ZFAT: variants seen among roughly 807,000 people sequenced by gnomAD.
The protein encoded by ZFAT is zinc finger and AT-hook domain containing.
ZFAT carries 64 observed loss-of-function variants against 117.7 expected under a neutral mutation model. The ratio of observed to expected loss-of-function variants is 0.54; its 90% CI spans 0.44 to 0.67. ZFAT has a LOEUF of 0.67. ZFAT is among the 30% of genes least tolerant of loss of function. ZFAT has a pLI of 0.00. For synonymous variants in ZFAT, 679 were observed against 615.0 expected, an observed-to-expected ratio of 1.10 and a Z score of -1.54; for missense variants, 1,433 against 1,584.5, an observed-to-expected ratio of 0.90 and a Z score of 1.62.
chr8:134,635,822 T>C (rs971082048), intron 3 of ZFAT, among the ~76,000 whole-genome samples: 2 of 152,202 alleles, frequency 1.3e-5, no homozygotes, highest in Middle Eastern at 3.2e-3. Context: ...TCTAAAATTA[T>C]CTTTATTTCC....
At chr8:134,823,834 AT>A in the ZFAT span, among the ~76,000 whole-genome samples, 2 of 152,356 alleles carry the variant, frequency 1.3e-5, no homozygotes, top group South Asian at 2.1e-4. Flanking sequence ...ATTTAAAAAA[AT>A]ATTTTGGATT....
intron 1 of ZFAT, among the ~76,000 whole-genome samples, chr8:134,658,963 G>A (rs1218681623): frequency 6.6e-6 from 1 of 152,218 alleles, no homozygotes; most frequent in Admixed American, 6.5e-5. Context: ...CACTGACTCG[G>A]CGCAACTCTG....
chr8:134,588,545 C>T (rs944038850), intron 8 of ZFAT, 150 bp from the exon 9 acceptor site: 18 of 840,320 alleles, frequency 2.1e-5, no homozygotes, highest in Admixed American at 1.7e-4. Flanking sequence ...AAAGTAAAAC[C>T]AGAACCAAAT....
the ZFAT span, among the ~76,000 whole-genome samples, chr8:134,770,194 T>C: frequency 6.6e-6 from 1 of 152,134 alleles, no homozygotes; most frequent in African/African-American, 2.4e-5. Context: ...GGGATTTTCT[T>C]TTTCTATCGC....
intron 1 of ZFAT, among the ~76,000 whole-genome samples, chr8:134,711,848 G>A (rs769765336): frequency 6.6e-6 from 1 of 152,166 alleles, no homozygotes; most frequent in Non-Finnish European, 1.5e-5. Context: ...CAGGAAAGGT[G>A]TCCCTGGGGG....
chr8:134,737,588 C>A, the ZFAT span, among the ~76,000 whole-genome samples: 2 of 152,180 alleles, frequency 1.3e-5, no homozygotes, highest in Admixed American at 1.3e-4. Context: ...ATTTGATTCT[C>A]AGGACACATC....
intron 12 of ZFAT, among the ~76,000 whole-genome samples, chr8:134,523,642 T>A (rs1486976687): frequency 6.6e-6 from 1 of 152,242 alleles, no homozygotes; most frequent in Non-Finnish European, 1.5e-5. Flanking sequence ...AATAAAATCC[T>A]GACTCCTCCC....
intron 11 of ZFAT, among the ~76,000 whole-genome samples, chr8:134,543,416 G>A (rs1166289861): frequency 1.3e-5 from 2 of 152,256 alleles, no homozygotes; most frequent in African/African-American, 2.4e-5. Context: ...TCTCACTCCC[G>A]CAGCTGCCAC....
At chr8:134,685,566 T>TGATAC (rs1376739112) in intron 1 of ZFAT, among the ~76,000 whole-genome samples, 8 of 152,130 alleles carry the variant, frequency 5.3e-5, no homozygotes, top group African/African-American at 1.7e-4. Flanking sequence ...CAGATATAAG[T>TGATAC]GATACCAACC....
At chr8:134,831,995 G>C in the ZFAT span, among the ~76,000 whole-genome samples, 199 of 149,888 alleles carry the variant, frequency 1.3e-3, no homozygotes, top group African/African-American at 4.5e-3. Flanking sequence ...GCCCGGGGTC[G>C]GGGGTCGGGC....
intron 15 of ZFAT, among the ~76,000 whole-genome samples, chr8:134,489,407 G>C (rs1358453182): frequency 6.6e-6 from 1 of 152,080 alleles, no homozygotes; most frequent in Non-Finnish European, 1.5e-5. Flanking sequence ...CCAGAGTGCA[G>C]TGACTGCCAC....
intron 1 of ZFAT, among the ~76,000 whole-genome samples, chr8:134,670,610 C>G (rs7005853): frequency 0.44 from 64,193 of 146,498 alleles, 9,476 homozygotes; most frequent in South Asian, 0.49. Context: ...GCAGTGTGTA[C>G]AGGGAAATTT....
the ZFAT span, among the ~76,000 whole-genome samples, chr8:134,773,336 C>T: frequency 1.3e-5 from 2 of 152,148 alleles, no homozygotes; most frequent in African/African-American, 4.8e-5. Flanking sequence ...AGTGTTGAGA[C>T]CTACTGCTCA....
intron 5 of ZFAT, among the ~76,000 whole-genome samples, chr8:134,605,547 C>A (rs1827822257): frequency 6.8e-6 from 1 of 146,906 alleles, no homozygotes; most frequent in South Asian, 2.1e-4. Flanking sequence ...GAGCCAGACC[C>A]CATCTCAAAA....
chr8:134,713,887 A>C (rs1030792790), upstream of ZFAT, among the ~76,000 whole-genome samples: 1 of 4,170 alleles, frequency 2.4e-4, no homozygotes, highest in African/African-American at 8.9e-4. Flanking sequence ...TCCCTCCCTT[A>C]CCTCTGTCAA....
At chr8:134,528,504 TA>T (rs1821175041) in intron 12 of ZFAT, among the ~76,000 whole-genome samples, 1 of 152,230 alleles carries the variant, frequency 6.6e-6, no homozygotes, top group Non-Finnish European at 1.5e-5. Flanking sequence ...GAATCTGGTG[TA>T]AAAAACTAAT....
At chr8:134,702,580 C>T (rs771798548) in intron 1 of ZFAT, among the ~76,000 whole-genome samples, 1 of 152,124 alleles carries the variant, frequency 6.6e-6, no homozygotes, top group Admixed American at 6.5e-5. Context: ...TGCCTACCCC[C>T]AAGTAAAAAG....
At chr8:134,647,158 A>C (rs1423362991) in intron 2 of ZFAT, among the ~76,000 whole-genome samples, 1 of 152,218 alleles carries the variant, frequency 6.6e-6, no homozygotes, top group Non-Finnish European at 1.5e-5. Flanking sequence ...AGCACATTAA[A>C]AAAATTACAC....
At chr8:134,623,133 C>T (rs534254263) in intron 3 of ZFAT, among the ~76,000 whole-genome samples, 10 of 152,264 alleles carry the variant, frequency 6.6e-5, no homozygotes, top group Admixed American at 4.6e-4. Context: ...ACAAGCATCT[C>T]CCACTGACCT....
Sources: gnomAD v4.1 joint callset for allele counts (sites outside exome capture counted in the v4.1 genomes callset) on GRCh38, gnomAD v4.1.1 for gene constraint, MANE v1.5 for transcripts, NCBI Gene and HGNC (gene_info 2026-07-23, HGNC 2026-07-21) for gene names.